CNTN4: variants seen among roughly 807,000 people sequenced by gnomAD.
CNTN4 encodes contactin 4, also known as contactin-4.
CNTN4 carries 77 observed loss-of-function variants against 122.5 expected under a neutral mutation model. The observed-to-expected ratio is 0.63, with a 90% CI of 0.52 to 0.76. The LOEUF (loss-of-function observed/expected upper bound fraction) is 0.76, where lower values mean the gene tolerates loss of function less well. CNTN4 is among the 30% of genes least tolerant of loss of function. The pLI is 0.00. For missense variants in CNTN4, 1,256 were observed against 1,259.1 expected, an observed-to-expected ratio of 1.00 and a Z score of 0.04; for synonymous variants, 512 against 447.0, an observed-to-expected ratio of 1.15 and a Z score of -1.83.
intron 4 of CNTN4, among the ~76,000 whole-genome samples, chr3:2,711,159 A>G (rs573286902): frequency 6.6e-6 from 1 of 152,314 alleles, no homozygotes; most frequent in East Asian, 1.9e-4. Context: ...ACACAGCAAG[A>G]GGGTCACAAA....
At chr3:2,930,905 T>C (rs535110584) in intron 13 of CNTN4, among the ~76,000 whole-genome samples, 6 of 152,324 alleles carry the variant, frequency 3.9e-5, no homozygotes, top group African/African-American at 1.4e-4. Context: ...TCAACAATCC[T>C]GAGGCATATG....
At chr3:2,435,407 A>G (rs2048225219) in intron 3 of CNTN4, among the ~76,000 whole-genome samples, 1 of 152,110 alleles carries the variant, frequency 6.6e-6, no homozygotes, top group Admixed American at 6.6e-5. Context: ...TAGTTGTTGT[A>G]CCATTTAGGG....
intron 6 of CNTN4, among the ~76,000 whole-genome samples, chr3:2,802,401 TG>T (rs1337564681): frequency 6.6e-6 from 1 of 152,254 alleles, no homozygotes; most frequent in Admixed American, 6.5e-5. Flanking sequence ...CACGTTGTTT[TG>T]CCTTCTTTGC....
At chr3:2,476,215 A>T (rs1019335455) in intron 3 of CNTN4, among the ~76,000 whole-genome samples, 3 of 152,222 alleles carry the variant, frequency 2.0e-5, no homozygotes, top group African/African-American at 7.2e-5. Flanking sequence ...TGAGTAGTTC[A>T]GGTGATTTTG....
At position 2,142,512 on chromosome 3, in the gene CNTN4, C is replaced by A. The variant is rs562851021; in HGVS notation, c.-145+41873C>A. ...CCCAATAGCTGGGATTACAGGTGCC[C>A]GCCATCATGCCTGGCTAATTTTGTA... On this transcript the variant is annotated intron_variant, in intron 2 of 24. Transcript: ENST00000418658. 1.5e-4 allele frequency among the ~76,000 whole-genome samples: 23 copies of A among 152,120 alleles called. No homozygotes were observed. The South Asian group carries it at 4.2e-3, about 27-fold the overall frequency.
chr3:2,119,704 A>G (rs1369619901), intron 2 of CNTN4, among the ~76,000 whole-genome samples: 7 of 152,156 alleles, frequency 4.6e-5, no homozygotes, highest in Non-Finnish European at 1.0e-4. Context: ...TCTTTCTAGA[A>G]TCCACTTCAT....
At chr3:2,529,594 A>ATTTCT (rs2077522632) in intron 3 of CNTN4, among the ~76,000 whole-genome samples, 2 of 152,208 alleles carry the variant, frequency 1.3e-5, no homozygotes, top group African/African-American at 4.8e-5. Context: ...AGCCAATAAA[A>ATTTCT]TGACATAGCC....
At chr3:2,368,029 C>CTTTTT (rs549023861) in intron 3 of CNTN4, among the ~76,000 whole-genome samples, 16 of 109,810 alleles carry the variant, frequency 1.5e-4, no homozygotes, top group African/African-American at 4.5e-4. Context: ...TAGAAAACTT[C>CTTTTT]TTTTTTTTTT....
intron 2 of CNTN4, among the ~76,000 whole-genome samples, chr3:2,306,033 C>T (rs148790225): frequency 4.4e-4 from 67 of 152,184 alleles, no homozygotes; most frequent in South Asian, 8.3e-4. Context: ...ATTCATTCAT[C>T]ATTTGATGGA....
intron 2 of CNTN4, among the ~76,000 whole-genome samples, chr3:2,105,819 A>G (rs1035085487): frequency 1.3e-5 from 2 of 152,212 alleles, no homozygotes; most frequent in Non-Finnish European, 2.9e-5. Flanking sequence ...CATTAGCTCA[A>G]AAGTCCACAG....
At chr3:2,960,266 A>G (rs951355850) in intron 13 of CNTN4, among the ~76,000 whole-genome samples, 1 of 152,188 alleles carries the variant, frequency 6.6e-6, no homozygotes, top group Non-Finnish European at 1.5e-5. Context: ...AGAATGTAAT[A>G]TGTAATAATG....
chr3:3,019,280 G>A (rs966452221), intron 14 of CNTN4, among the ~76,000 whole-genome samples: 2 of 151,982 alleles, frequency 1.3e-5, no homozygotes, highest in Non-Finnish European at 2.9e-5. Flanking sequence ...TCCCCACAAA[G>A]TACTCATTAT....
At chr3:3,010,699 G>A (rs532166480) in intron 14 of CNTN4, among the ~76,000 whole-genome samples, 11 of 152,212 alleles carry the variant, frequency 7.2e-5, no homozygotes, top group South Asian at 2.1e-4. Context: ...CGAGGAGGGC[G>A]CTGTGAAATT....
At chr3:2,369,177 C>T (rs1171018525) in intron 3 of CNTN4, among the ~76,000 whole-genome samples, 1 of 152,148 alleles carries the variant, frequency 6.6e-6, no homozygotes, top group Non-Finnish European at 1.5e-5. Flanking sequence ...CTCACCTCAA[C>T]CTCCCAAAGT....
chr3:2,484,993 G>A (rs887185108), intron 3 of CNTN4, among the ~76,000 whole-genome samples: 6 of 152,196 alleles, frequency 3.9e-5, no homozygotes, highest in South Asian at 2.1e-4. Context: ...TCGGCGGCCC[G>A]CACTCAGAGC....
chr3:2,875,005 TAG>T (rs1249815102), intron 8 of CNTN4, among the ~76,000 whole-genome samples: 5 of 152,060 alleles, frequency 3.3e-5, no homozygotes, highest in African/African-American at 9.7e-5. Context: ...TTTTTTGAGA[TAG>T]AGTCTGTCTC....
intron 3 of CNTN4, among the ~76,000 whole-genome samples, chr3:2,570,664 C>T (rs993857805): frequency 6.6e-6 from 1 of 152,144 alleles, no homozygotes; most frequent in Non-Finnish European, 1.5e-5. Context: ...CTCCATTCCT[C>T]AGAATAACAG....
intron 3 of CNTN4, among the ~76,000 whole-genome samples, chr3:2,425,913 A>G (rs2047811360): frequency 6.6e-6 from 1 of 152,076 alleles, no homozygotes; most frequent in Non-Finnish European, 1.5e-5. Flanking sequence ...TTGCACATTG[A>G]TTTTGTATCC....
intron 7 of CNTN4, among the ~76,000 whole-genome samples, chr3:2,849,491 G>A (rs867653689): frequency 1.3e-5 from 2 of 152,148 alleles, no homozygotes; most frequent in African/African-American, 4.8e-5. Flanking sequence ...CAAGATTTTG[G>A]TGACTTCTGG....
Sources: gnomAD v4.1 joint callset for allele counts (sites outside exome capture counted in the v4.1 genomes callset) on GRCh38, gnomAD v4.1.1 for gene constraint, MANE v1.5 for transcripts, NCBI Gene and HGNC (gene_info 2026-07-23, HGNC 2026-07-21) for gene names.